The following WDPCP variants were observed in gnomAD, a reference collection of about 807,000 sequenced individuals.
The protein encoded by WDPCP is WD repeat containing planar cell polarity effector, also known as WD repeat-containing and planar cell polarity effector protein fritz homolog.
Under a neutral mutation model 93.1 loss-of-function variants are expected in WDPCP, and 71 were observed. That is an observed-to-expected ratio of 0.76 (90% confidence interval 0.63 to 0.93). WDPCP has a LOEUF of 0.93. WDPCP is among the 40% of genes least tolerant of loss of function. The probability of loss-of-function intolerance (pLI) is 0.00; values close to 1 mark genes in which losing one functional copy is unlikely to be tolerated. For synonymous variants in WDPCP, 315 were observed against 315.0 expected, an observed-to-expected ratio of 1.00 and a Z score of 0.00; for missense variants, 844 against 887.4, an observed-to-expected ratio of 0.95 and a Z score of 0.62.
At chr2:63,645,089 T>C (rs1230617110) in intron 3 of WDPCP, among the ~76,000 whole-genome samples, 1 of 152,140 alleles carries the variant, frequency 6.6e-6, no homozygotes, top group Non-Finnish European at 1.5e-5. Flanking sequence ...TTAAGATGCA[T>C]TGTTAGGTCG....
intron 1 of WDPCP, among the ~76,000 whole-genome samples, chr2:63,523,426 TA>T (rs1356266014): frequency 2.0e-5 from 3 of 152,146 alleles, no homozygotes; most frequent in Non-Finnish European, 4.4e-5. Context: ...CCACTCCTAT[TA>T]AACATAGCAA....
chr2:63,259,774 C>A (rs1681463028), intron 13 of WDPCP, among the ~76,000 whole-genome samples: 1 of 152,082 alleles, frequency 6.6e-6, no homozygotes. Context: ...TTATGCTAAG[C>A]ACGATACAAG....
upstream of WDPCP, chr2:63,589,159 C>T (rs962198145): frequency 6.3e-5 from 101 of 1,611,952 alleles, no homozygotes; most frequent in Admixed American, 1.7e-3. Context: ...GTCCTTCGCG[C>T]CCTTTGGCAA....
intron 3 of WDPCP, chr2:63,604,919 T>C: frequency 6.3e-7 from 1 of 1,590,068 alleles, no homozygotes; most frequent in African/African-American, 1.3e-5. Context: ...TAAAGAACTC[T>C]TGAGAGACTC....
At chr2:63,665,818 A>G (rs1373625747) in intron 2 of WDPCP, among the ~76,000 whole-genome samples, 1 of 152,228 alleles carries the variant, frequency 6.6e-6, no homozygotes, top group Non-Finnish European at 1.5e-5. Context: ...ACAATTCTCT[A>G]TAGAAGTTTG....
chr2:63,391,389 T>A (rs952738026), intron 10 of WDPCP, among the ~76,000 whole-genome samples: 2 of 152,052 alleles, frequency 1.3e-5, no homozygotes, highest in African/African-American at 2.4e-5. Flanking sequence ...ATGGAATATA[T>A]CCCCAAACAA....
intron 6 of WDPCP, among the ~76,000 whole-genome samples, chr2:63,452,582 G>GA (rs1307901935): frequency 6.6e-6 from 1 of 152,076 alleles, no homozygotes; most frequent in Non-Finnish European, 1.5e-5. Flanking sequence ...CACAGAATTG[G>GA]AAAAAACTAC....
intron 1 of WDPCP, among the ~76,000 whole-genome samples, chr2:63,571,915 G>A (rs1248183288): frequency 6.6e-6 from 1 of 152,080 alleles, no homozygotes; most frequent in African/African-American, 2.4e-5. Flanking sequence ...ATGTAAACTT[G>A]ATAATGATCA....
At chr2:63,291,590 C>G (rs1210244925) in intron 13 of WDPCP, among the ~76,000 whole-genome samples, 4 of 152,158 alleles carry the variant, frequency 2.6e-5, no homozygotes, top group African/African-American at 9.7e-5. Flanking sequence ...GGGCAGATCT[C>G]TTAAGGCCAG....
At position 63,594,243 on chromosome 2, in the gene WDPCP, A is replaced by C. The variant is rs1348981273; in HGVS notation, n.488+56416T>G. On this transcript the variant is annotated intron_variant and non_coding_transcript_variant, in intron 3 of 4. Transcript: ENST00000467687. Reference sequence around the variant, plus strand: ...GCCTATTTTAGTGGTAAAATATCCCAAAAAAGGTGGATAAGATTATGTAAG... The same window carrying C: ...GCCTATTTTAGTGGTAAAATATCCCCAAAAAGGTGGATAAGATTATGTAAG... The C allele has an allele frequency of 1.0e-4, 60 of 583,800 alleles. 1 individual carries two copies. The highest frequency in any genetic ancestry group is 8.1e-4 in the South Asian group (58 of 72,048). 36.2% of individuals were successfully genotyped at this position (583,800 alleles called of 1,614,324 possible).
intron 1 of WDPCP, among the ~76,000 whole-genome samples, chr2:63,538,477 G>A (rs1704476828): frequency 6.6e-6 from 1 of 152,036 alleles, no homozygotes; most frequent in Non-Finnish European, 1.5e-5. Context: ...TAAAAAAATT[G>A]CCTTTGACAA....
chr2:63,419,868 GTT>G (rs1390219991), intron 9 of WDPCP, among the ~76,000 whole-genome samples: 1 of 151,962 alleles, frequency 6.6e-6, no homozygotes, highest in Non-Finnish European at 1.5e-5. Flanking sequence ...TAACCAAGAT[GTT>G]TCATTTTCCT....
chr2:63,342,264 G>C (rs1308264396), intron 12 of WDPCP, among the ~76,000 whole-genome samples: 1 of 152,128 alleles, frequency 6.6e-6, no homozygotes, highest in African/African-American at 2.4e-5. Context: ...CATGGTACCT[G>C]GGGATTGGGG....
chr2:63,144,005 G>A (rs1671281600), intron 17 of WDPCP, among the ~76,000 whole-genome samples: 1 of 152,202 alleles, frequency 6.6e-6, no homozygotes, highest in African/African-American at 2.4e-5. Flanking sequence ...GGCTGGGGAA[G>A]TTTTCCTTGA....
intron 12 of WDPCP, chr2:63,369,567 T>G (rs1388707492): frequency 2.2e-6 from 1 of 455,130 alleles, no homozygotes; most frequent in Admixed American, 2.4e-5. Context: ...AGAAAACACA[T>G]TTTGTACATC....
chr2:63,325,242 G>A (rs1687442116), intron 12 of WDPCP, among the ~76,000 whole-genome samples: 1 of 152,066 alleles, frequency 6.6e-6, no homozygotes, highest in Non-Finnish European at 1.5e-5. Flanking sequence ...CATCTGGTAG[G>A]GCTTGTTATC....
At chr2:63,700,901 G>T (rs978759522) in intron 2 of WDPCP, among the ~76,000 whole-genome samples, 6 of 152,168 alleles carry the variant, frequency 3.9e-5, no homozygotes, top group African/African-American at 1.4e-4. Flanking sequence ...TTTAAGACTT[G>T]AAACTATGAA....
chr2:63,158,805 C>G (rs1283504805), intron 15 of WDPCP, among the ~76,000 whole-genome samples: 1 of 151,808 alleles, frequency 6.6e-6, no homozygotes, highest in Non-Finnish European at 1.5e-5. Context: ...CCTTTGTTAT[C>G]TCTATTCTGC....
chr2:63,420,626 T>C (rs1011334764), intron 9 of WDPCP, among the ~76,000 whole-genome samples: 1 of 152,164 alleles, frequency 6.6e-6, no homozygotes, highest in Non-Finnish European at 1.5e-5. Flanking sequence ...GATGCAACAC[T>C]ATTATGAATT....
Sources: gnomAD v4.1 joint callset for allele counts (sites outside exome capture counted in the v4.1 genomes callset) on GRCh38, gnomAD v4.1.1 for gene constraint, MANE v1.5 for transcripts, NCBI Gene and HGNC (gene_info 2026-07-23, HGNC 2026-07-21) for gene names.